The following CDC14B variants were observed in gnomAD, a reference collection of about 807,000 sequenced individuals.
The protein encoded by CDC14B is dual specificity protein phosphatase CDC14B.
Under a neutral mutation model 64.2 loss-of-function variants are expected in CDC14B, and 22 were observed. That is an observed-to-expected ratio of 0.34 (90% CI 0.24 to 0.49). CDC14B has a LOEUF of 0.49. Ranked by LOEUF, CDC14B falls within the 20% of genes least tolerant of loss-of-function variation. The probability of loss-of-function intolerance (pLI) is 0.99; values close to 1 mark genes in which losing one functional copy is unlikely to be tolerated. For missense variants in CDC14B, 498 were observed against 629.9 expected (o/e 0.79, Z 2.24); for synonymous variants, 191 against 215.8 (o/e 0.89, Z 1.01).
Position 96,523,276 on chromosome 9 carries a change from C to A in CDC14B, c.1230G>T (p.Gln410His), listed in dbSNP as rs377477586. The A allele has an allele frequency of 1.2e-6, 2 of 1,613,878 alleles. No homozygotes were observed. Among genetic ancestry groups the A allele is most frequent in the African/African-American group, 2.7e-5 (2 of 74,894 alleles). ...ISINGVENQD[Q>H]QEPEPYSDDD... is the part of the protein sequence containing the mutation. ...GCTTGATTACCGGTTCGGGTTCTTG[C>A]TGATCTTGATTCTCGACCCCATTTA... is the stretch of plus-strand genomic sequence containing the variant. The change falls in exon 11 of 14, where the codon CAG becomes CAT. Residue 410 changes from glutamine to histidine, a missense_variant. Physicochemically the swap from Gln to His is conservative, Grantham distance 24. Transcript: ENST00000375241.
chr9:96,498,112 G>A (rs1019186614), downstream of CDC14B, among the ~76,000 whole-genome samples: 5 of 152,166 alleles, frequency 3.3e-5, no homozygotes, highest in African/African-American at 1.2e-4. Flanking sequence ...AGCTAGTCAG[G>A]GCGTGCTACA....
downstream of CDC14B, among the ~76,000 whole-genome samples, chr9:96,499,008 T>C (rs1218192330): frequency 1.3e-5 from 2 of 152,182 alleles, no homozygotes; most frequent in African/African-American, 4.8e-5. Flanking sequence ...TCTCAAACAA[T>C]GCCTCCAAGC....
chr9:96,565,527 A>C (rs1033758332), intron 1 of CDC14B, 44 bp from the exon 2 acceptor site: 2 of 1,275,104 alleles, frequency 1.6e-6, no homozygotes, highest in Non-Finnish European at 2.3e-6. Flanking sequence ...AGGTTACAAA[A>C]AACGTTTCAT....
At chr9:96,597,588 A>G (rs1012562715) in intron 1 of CDC14B, among the ~76,000 whole-genome samples, 26 of 152,252 alleles carry the variant, frequency 1.7e-4, no homozygotes, top group African/African-American at 6.0e-4. Context: ...TTCAACATTA[A>G]GCAAAATCTT....
intron 9 of CDC14B, among the ~76,000 whole-genome samples, chr9:96,529,217 C>T (rs1254214593): frequency 1.3e-5 from 2 of 152,000 alleles, no homozygotes; most frequent in Non-Finnish European, 2.9e-5. Context: ...GTTTTAAGTC[C>T]TATATTTAGG....
rs539074594 is a variant in CDC14B at position 96,616,751 on chromosome 9, T to C, written c.160+2468A>G. On this transcript the variant is annotated intron_variant, in intron 1 of 13. Coordinates refer to ENST00000375241, the MANE Select transcript of CDC14B (RefSeq NM_033331.4). ...AAAAAAAAAAAAACTCATTTGATAA[T>C]GTTTGACTTTTTAGAAGTGTGCATG... Among the ~76,000 whole-genome samples the C allele has an allele frequency of 5.9e-5, 9 of 151,316 alleles. No homozygotes were observed. The South Asian group carries it at 1.9e-3, about 31-fold the overall frequency.
chr9:96,618,707 C>G, intron 1 of CDC14B: 1 of 430,060 alleles, frequency 2.3e-6, no homozygotes, highest in Non-Finnish European at 4.5e-6. Context: ...GGCAACGCGG[C>G]GCCCAGGGTC....
At chr9:96,522,245 C>T (rs1359305302) in intron 12 of CDC14B, among the ~76,000 whole-genome samples, 1 of 152,166 alleles carries the variant, frequency 6.6e-6, no homozygotes, top group East Asian at 1.9e-4. Flanking sequence ...CCTGAGGATG[C>T]CCCATGCTGA....
chr9:96,533,875 T>C, intron 9 of CDC14B, 52 bp downstream of exon 9: 1 of 1,120,934 alleles, frequency 8.9e-7, no homozygotes, highest in Non-Finnish European at 1.2e-6. Flanking sequence ...TGTTTCTACA[T>C]ATTCATATAC....
intron 9 of CDC14B, among the ~76,000 whole-genome samples, chr9:96,530,431 A>ATT (rs755667991): frequency 2.8e-4 from 36 of 129,536 alleles, no homozygotes; most frequent in East Asian, 1.8e-3. Flanking sequence ...CGCCCGGCTA[A>ATT]TTTTTTTTTT....
chr9:96,557,223 G>C lies in CDC14B; in HGVS notation c.421-5351C>G, dbSNP rs991018922. On this transcript the variant is annotated intron_variant, in intron 4 of 13. Transcript: ENST00000375241. ...AGGGCCGGCTCCCAAGGAAGCACTGGCTTCCCACTGAGGGCCTGTGCCGTC... is the reference window on the plus strand; with the variant it reads ...AGGGCCGGCTCCCAAGGAAGCACTGCCTTCCCACTGAGGGCCTGTGCCGTC... Among the ~76,000 whole-genome samples the C allele has an allele frequency of 8.5e-5, 13 of 152,354 alleles. No homozygotes were observed. The South Asian group carries it at 1.2e-3, about 15-fold the overall frequency.
intron 1 of CDC14B, among the ~76,000 whole-genome samples, chr9:96,602,896 G>C (rs779171764): frequency 6.6e-6 from 1 of 151,960 alleles, no homozygotes; most frequent in African/African-American, 2.4e-5. Flanking sequence ...GGGGAGAGAC[G>C]CAGGTTTAGC....
chr9:96,544,985 C>T (rs927822980), intron 5 of CDC14B, among the ~76,000 whole-genome samples: 2 of 152,160 alleles, frequency 1.3e-5, no homozygotes, highest in African/African-American at 4.8e-5. Flanking sequence ...GCACCAGGAC[C>T]ACCCCACCTG....
chr9:96,608,709 T>C (rs1036219045), intron 1 of CDC14B, among the ~76,000 whole-genome samples: 3 of 152,152 alleles, frequency 2.0e-5, no homozygotes, highest in African/African-American at 7.2e-5. Flanking sequence ...TATTTTAAAT[T>C]ATATCCTCTG....
intron 1 of CDC14B, among the ~76,000 whole-genome samples, chr9:96,607,844 C>A (rs1337382198): frequency 1.3e-5 from 2 of 152,182 alleles, no homozygotes; most frequent in Non-Finnish European, 2.9e-5. Flanking sequence ...TCCCAGCTAT[C>A]ACCCACCACA....
rs947929852 is a variant in CDC14B at position 96,566,958 on chromosome 9, C to T, written c.161-1475G>A. The T allele has an allele frequency of 3.4e-5, 50 of 1,475,376 alleles. No homozygotes were observed. The South Asian group carries it at 4.3e-4, about 13-fold the overall frequency. The allele number at this position is 1,475,376 out of a possible 1,614,324, so 91.4% of individuals were successfully genotyped here. On this transcript the variant is annotated intron_variant, in intron 1 of 13. Coordinates refer to ENST00000375241, the MANE Select transcript of CDC14B (RefSeq NM_033331.4). ...CAGCGGGCGCAGCGACACCCCTCGGCGGCCCAACGGCCTGACACGACAGCG... is the reference window on the plus strand; with the variant it reads ...CAGCGGGCGCAGCGACACCCCTCGGTGGCCCAACGGCCTGACACGACAGCG...
At chr9:96,528,124 A>T (rs558496063) in intron 9 of CDC14B, among the ~76,000 whole-genome samples, 1 of 152,342 alleles carries the variant, frequency 6.6e-6, no homozygotes, top group Admixed American at 6.5e-5. Flanking sequence ...TCATTTCTAA[A>T]GATGCATAAT....
intron 1 of CDC14B, among the ~76,000 whole-genome samples, chr9:96,597,443 G>C: frequency 6.6e-6 from 1 of 150,664 alleles, no homozygotes; most frequent in East Asian, 2.0e-4. Flanking sequence ...GCAGTGAGCC[G>C]AGATTGTGTC....
At chr9:96,504,258 A>G (rs926415667) in intron 13 of CDC14B, among the ~76,000 whole-genome samples, 14 of 152,078 alleles carry the variant, frequency 9.2e-5, no homozygotes, top group African/African-American at 2.7e-4. Context: ...CTGGCACCTA[A>G]GCGGCTTCCA....
Sources: gnomAD v4.1 joint callset for allele counts (sites outside exome capture counted in the v4.1 genomes callset) on GRCh38, gnomAD v4.1.1 for gene constraint, MANE v1.5 for transcripts, NCBI Gene and HGNC (gene_info 2026-07-23, HGNC 2026-07-21) for gene names.